The following TTLL9 variants were observed in gnomAD, a reference collection of about 807,000 sequenced individuals.
TTLL9 encodes the protein probable tubulin polyglutamylase TTLL9.
TTLL9 carries 47 observed loss-of-function variants against 65.6 expected under a neutral mutation model. The observed-to-expected ratio is 0.72, with a 90% CI of 0.57 to 0.91. The LOEUF is 0.91. Among genes scored for constraint, TTLL9 ranks in the 40% least tolerant of loss-of-function variants. TTLL9 has a pLI of 0.00. For missense variants in TTLL9, 537 were observed against 568.8 expected (o/e 0.94, Z 0.57); for synonymous variants, 179 against 204.8 (o/e 0.87, Z 1.07).
chr20:31,890,141 C>CTTT (rs1430885222), intron 3 of TTLL9, among the ~76,000 whole-genome samples: 29 of 108,940 alleles, frequency 2.7e-4, no homozygotes, highest in African/African-American at 8.6e-4. Flanking sequence ...TTCCTTCCTT[C>CTTT]CTTCCTTCCT....
intron 2 of TTLL9, among the ~76,000 whole-genome samples, chr20:31,875,854 C>T (rs1696430548): frequency 6.6e-6 from 1 of 152,148 alleles, no homozygotes; most frequent in Non-Finnish European, 1.5e-5. Flanking sequence ...TCACTCTCTC[C>T]CCAACTAGTA....
rs895772218 is a variant in TTLL9, at chr20:31,898,384, T to G, written c.114-89T>G. On this transcript the variant is annotated intron_variant, in intron 3 of 14. Transcript: ENST00000535842. ...GTGTGGAACTTTCCAGGTATGGAAC[T>G]TGACTTCTCTTCCTCCTTTTTTCCT... is the stretch of plus-strand genomic sequence containing the variant. 6 of 1,137,312 alleles carry G rather than the reference T, an allele frequency of 5.3e-6. No individual in the cohort carries two copies. In the East Asian group the frequency reaches 1.4e-4, roughly 27 times the overall value. The allele number at this position is 1,137,312 out of a possible 1,614,324, so 70.5% of individuals were successfully genotyped here.
chr20:31,922,856 T>C (rs2063832917), intron 7 of TTLL9, 107 bp from the exon 8 acceptor site: 7 of 828,458 alleles, frequency 8.4e-6, no homozygotes, highest in Non-Finnish European at 1.4e-5. Context: ...CTGACAGGGT[T>C]GATTTAAAGA....
At chr20:31,936,101 C>G (rs866274000) in intron 12 of TTLL9, among the ~76,000 whole-genome samples, 3 of 152,216 alleles carry the variant, frequency 2.0e-5, no homozygotes, top group African/African-American at 7.2e-5. Context: ...TGGTCTCCCA[C>G]AGACCTGCTG....
intron 2 of TTLL9, among the ~76,000 whole-genome samples, chr20:31,871,873 G>A (rs1244595522): frequency 2.6e-5 from 4 of 152,098 alleles, no homozygotes; most frequent in Admixed American, 1.3e-4. Context: ...GTAGAAACAA[G>A]TTAATTGTTG....
chr20:31,906,521 A>T (rs1352809312), intron 4 of TTLL9, among the ~76,000 whole-genome samples: 1 of 152,128 alleles, frequency 6.6e-6, no homozygotes, highest in East Asian at 1.9e-4. Flanking sequence ...CATCATCCCA[A>T]GGTGATGGTG....
At chr20:31,918,202 CT>C (rs2063765995) in intron 6 of TTLL9, among the ~76,000 whole-genome samples, 1 of 151,972 alleles carries the variant, frequency 6.6e-6, no homozygotes, top group Non-Finnish European at 1.5e-5. Flanking sequence ...TTTCTGTCTG[CT>C]TGTAGTTAGA....
chr20:31,910,486 C>G (rs1309426957), intron 6 of TTLL9, among the ~76,000 whole-genome samples: 1 of 152,192 alleles, frequency 6.6e-6, no homozygotes, highest in Non-Finnish European at 1.5e-5. Context: ...CCACAGGAGG[C>G]TCTTCCTGGC....
At chr20:31,924,940 C>T in intron 8 of TTLL9, 69 bp from the exon 9 acceptor site, 1 of 1,571,566 alleles carries the variant, frequency 6.4e-7, no homozygotes, top group East Asian at 2.3e-5. Flanking sequence ...CTGCTATTTT[C>T]CCAAAACCTA....
chr20:31,937,546 A>C (rs2064133896), intron 13 of TTLL9, 37 bp downstream of exon 13: 1 of 1,538,680 alleles, frequency 6.5e-7, no homozygotes, highest in Non-Finnish European at 8.9e-7. Flanking sequence ...GTCCTTGTAC[A>C]TGACAACTGA....
At chr20:31,879,678 G>A in intron 2 of TTLL9, 2 of 727,916 alleles carry the variant, frequency 2.7e-6, no homozygotes, top group Non-Finnish European at 4.3e-6. Flanking sequence ...GGTTGAGGAA[G>A]TCGGGGGACC....
chr20:31,883,992 GAAGT>G (rs771090721), intron 2 of TTLL9: 18 of 475,476 alleles, frequency 3.8e-5, no homozygotes, highest in South Asian at 2.7e-4. Flanking sequence ...TGAAAAGAAA[GAAGT>G]AAGTAAGTCT....
intron 10 of TTLL9, among the ~76,000 whole-genome samples, chr20:31,930,990 AAGTTCTGGG>A (rs2063998821): frequency 6.6e-6 from 1 of 151,718 alleles, no homozygotes; most frequent in African/African-American, 2.4e-5. Context: ...GTGAAGTGTG[AAGTTCTGGG>A]AGTCGTACTT....
At chr20:31,887,830 C>A (rs73119972) in intron 3 of TTLL9, among the ~76,000 whole-genome samples, 21,891 of 134,734 alleles carry the variant, frequency 0.16, 1,918 homozygotes, top group Non-Finnish European at 0.21. Context: ...ATAGTTTATT[C>A]TTTGGTTCAT....
intron 3 of TTLL9, among the ~76,000 whole-genome samples, chr20:31,895,257 C>T (rs1370790929): frequency 6.6e-6 from 1 of 152,080 alleles, no homozygotes; most frequent in Non-Finnish European, 1.5e-5. Flanking sequence ...TGAGAGCTGG[C>T]GAGTTCAGTA....
intron 2 of TTLL9, among the ~76,000 whole-genome samples, chr20:31,871,780 C>CCTA (rs1315674500): frequency 6.6e-6 from 1 of 152,036 alleles, no homozygotes; most frequent in Non-Finnish European, 1.5e-5. Flanking sequence ...AGAGATTGTT[C>CCTA]CTACCTTCAT....
At chr20:31,889,953 AG>A (rs2063261558) in intron 3 of TTLL9, among the ~76,000 whole-genome samples, 3 of 151,728 alleles carry the variant, frequency 2.0e-5, no homozygotes, top group African/African-American at 7.2e-5. Flanking sequence ...AGGGGAGGGA[AG>A]AATCAAGCCA....
intron 2 of TTLL9, among the ~76,000 whole-genome samples, chr20:31,885,573 G>A (rs1389018335): frequency 6.6e-6 from 1 of 152,210 alleles, no homozygotes; most frequent in Non-Finnish European, 1.5e-5. Context: ...AGTTGGAAGG[G>A]CTTGAATGGA....
chr20:31,905,284 A>G (rs1158665130), intron 4 of TTLL9, among the ~76,000 whole-genome samples: 4 of 151,994 alleles, frequency 2.6e-5, no homozygotes, highest in Non-Finnish European at 4.4e-5. Flanking sequence ...CATGTTGGCC[A>G]GGCTGGTCTC....
Sources: allele counts gnomAD v4.1 joint callset (sites outside exome capture counted in the v4.1 genomes callset), GRCh38; gene constraint gnomAD v4.1.1; transcripts MANE v1.5; gene names NCBI Gene and HGNC (gene_info 2026-07-23, HGNC 2026-07-21).